MOXD1: variants seen among roughly 807,000 people sequenced by gnomAD.
MOXD1 encodes monooxygenase DBH like 1.
MOXD1 carries 62 observed loss-of-function variants against 66.6 expected under a neutral mutation model. The ratio of observed to expected loss-of-function variants is 0.93; its 90% confidence interval spans 0.76 to 1.15. The LOEUF (loss-of-function observed/expected upper bound fraction) is 1.15. Among genes scored for constraint, MOXD1 ranks in the 50% most tolerant of loss-of-function variants. The pLI, the probability that MOXD1 is intolerant of heterozygous loss-of-function variation, is 0.00. For synonymous variants in MOXD1, 303 were observed against 281.9 expected, an observed-to-expected ratio of 1.07 and a Z score of -0.75; for missense variants, 847 against 754.6, an observed-to-expected ratio of 1.12 and a Z score of -1.44.
At chr6:132,343,523 C>A (rs766210050) in intron 4 of MOXD1, among the ~76,000 whole-genome samples, 1 of 151,558 alleles carries the variant, frequency 6.6e-6, no homozygotes, top group Non-Finnish European at 1.5e-5. Context: ...TGCAGTGAGC[C>A]GAAATTGCAC....
intron 1 of MOXD1, among the ~76,000 whole-genome samples, chr6:132,377,899 G>A (rs1297758003): frequency 1.3e-5 from 2 of 152,110 alleles, no homozygotes; most frequent in Admixed American, 6.6e-5. Context: ...AGGCCAAGGG[G>A]GGTGGATCAC....
At chr6:132,307,535 G>A (rs748231752) in intron 10 of MOXD1, among the ~76,000 whole-genome samples, 65 of 152,292 alleles carry the variant, frequency 4.3e-4, no homozygotes, top group South Asian at 1.9e-3. Flanking sequence ...GACGTCTACC[G>A]AACTGTCTAC....
At chr6:132,387,751 T>TAAA (rs56728324) in intron 1 of MOXD1, among the ~76,000 whole-genome samples, 26 of 69,486 alleles carry the variant, frequency 3.7e-4, no homozygotes, top group Middle Eastern at 0.013. Flanking sequence ...AAACTCCATC[T>TAAA]AAAAAAAAAA....
intron 1 of MOXD1, among the ~76,000 whole-genome samples, chr6:132,390,109 G>T (rs1417034513): frequency 1.3e-5 from 2 of 151,460 alleles, no homozygotes; most frequent in African/African-American, 4.8e-5. Context: ...ATCAAAGCTT[G>T]AAAGACTCTA....
At chr6:132,331,668 G>C (rs77108881) in intron 4 of MOXD1, among the ~76,000 whole-genome samples, 2,162 of 152,206 alleles carry the variant, frequency 0.014, 53 homozygotes, top group African/African-American at 0.049. Context: ...CTATAAGAAA[G>C]ATGTTATAAT....
rs1203522213 is a variant in MOXD1 at position 132,348,386 on chromosome 6, CTGGGTACTCAAATGT to C, written c.664-19807_664-19793del. The stretch of plus-strand genomic sequence containing the variant: ...ATTTCAGTGCACTTCAGTGTTCCCA[CTGGGTACTCAAATGT>C]TGAAGTGACCTGCCAAACTCAAAGA... On this transcript the variant is annotated intron_variant, in intron 4 of 11. Coordinates refer to ENST00000367963, the MANE Select transcript of MOXD1 (RefSeq NM_015529.4). Among the ~76,000 whole-genome samples the C allele has an allele frequency of 3.3e-5, 5 of 152,320 alleles. No individual in the cohort carries two copies. The South Asian group carries it at 8.3e-4, about 25-fold the overall frequency.
rs573041313 is a variant in MOXD1 at position 132,386,881 on chromosome 6, G to A, written c.265-12104C>T. 1.8e-4 allele frequency among the ~76,000 whole-genome samples: 27 copies of A among 151,052 alleles called. 2 individuals carry two copies. The highest frequency in any genetic ancestry group is 3.0e-4 in the Non-Finnish European group (20 of 67,628). Reference sequence around the variant, plus strand: ...TCTACTCTTTCATTATATTTATTGGGTCTTCTCTTCTTTCTTCTGGGGCTT... The same window carrying A: ...TCTACTCTTTCATTATATTTATTGGATCTTCTCTTCTTTCTTCTGGGGCTT... On this transcript the variant is annotated intron_variant, in intron 1 of 11. Transcript: ENST00000367963.
Position 132,297,345 on chromosome 6 carries a change from A to G in MOXD1, c.1678-28T>C, listed in dbSNP as rs1235244137. On this transcript the variant is annotated intron_variant, in intron 11 of 11. Coordinates refer to ENST00000367963, the MANE Select transcript of MOXD1 (RefSeq NM_015529.4). ...GAAAATGGAAGCACAAACAATGCAAATGAACATCTGATTTAAGGCAGCACA... is the reference window on the plus strand; with the variant it reads ...GAAAATGGAAGCACAAACAATGCAAGTGAACATCTGATTTAAGGCAGCACA... 10 of 1,608,240 alleles carry G rather than the reference A, an allele frequency of 6.2e-6. No homozygotes were observed. The Admixed American group carries it at 1.5e-4, about 24-fold the overall frequency.
intron 1 of MOXD1, chr6:132,392,125 G>T: frequency 1.4e-6 from 2 of 1,452,916 alleles, no homozygotes; most frequent in Non-Finnish European, 9.1e-7. Flanking sequence ...CTTTGTCGCC[G>T]TTGGCTGGGG....
At chr6:132,369,540 C>T (rs547729801) in intron 4 of MOXD1, among the ~76,000 whole-genome samples, 6 of 151,964 alleles carry the variant, frequency 3.9e-5, no homozygotes, top group Admixed American at 1.3e-4. Flanking sequence ...TGGCTTCTCC[C>T]GGGCATATCT....
chr6:132,313,229 T>A (rs1381772229), intron 10 of MOXD1, among the ~76,000 whole-genome samples: 1 of 152,220 alleles, frequency 6.6e-6, no homozygotes, highest in East Asian at 1.9e-4. Context: ...AATTTCTTAA[T>A]CTCTTGGTTT....
rs1776664698 is a variant in MOXD1, at chr6:132,387,017, G to GT, written c.265-12241dup. Among the ~76,000 whole-genome samples the GT allele has an allele frequency of 2.6e-5, 4 of 151,102 alleles. 1 individual carries two copies. The highest frequency in any genetic ancestry group is 4.3e-4 in the South Asian group (2 of 4,668). On this transcript the variant is annotated intron_variant, in intron 1 of 11. Coordinates refer to ENST00000367963, the MANE Select transcript of MOXD1 (RefSeq NM_015529.4). ...TTCTCCAGGCAAAATATTGCCAGCT[G>GT]TTTTTTTTTCCTCAGGTACTCAGAT...
chr6:132,364,219 T>A (rs1776071427), intron 4 of MOXD1, among the ~76,000 whole-genome samples: 1 of 152,112 alleles, frequency 6.6e-6, no homozygotes, highest in Non-Finnish European at 1.5e-5. Flanking sequence ...TAGCTTAAAT[T>A]TCATTTGGGT....
At chr6:132,322,388 A>G (rs1171997109) in intron 8 of MOXD1, among the ~76,000 whole-genome samples, 1 of 152,216 alleles carries the variant, frequency 6.6e-6, no homozygotes, top group African/African-American at 2.4e-5. Flanking sequence ...TGTCAAGTAT[A>G]AAAAAAGAGT....
At chr6:132,373,344 A>C (rs184672472) in intron 2 of MOXD1, among the ~76,000 whole-genome samples, 6 of 152,336 alleles carry the variant, frequency 3.9e-5, no homozygotes, top group African/African-American at 1.4e-4. Flanking sequence ...GGTAGCTTCT[A>C]AACAAATATT....
intron 4 of MOXD1, among the ~76,000 whole-genome samples, chr6:132,365,329 G>A (rs953399097): frequency 1.2e-4 from 19 of 152,072 alleles, no homozygotes; most frequent in African/African-American, 4.6e-4. Context: ...CTAAAGAAAG[G>A]GGCCTTTTAA....
intron 1 of MOXD1, among the ~76,000 whole-genome samples, chr6:132,386,131 G>C (rs1198003117): frequency 7.4e-6 from 1 of 135,944 alleles, no homozygotes; most frequent in African/African-American, 2.8e-5. Context: ...GGCCAGGCGC[G>C]GTGGCTCACG....
At chr6:132,323,752 T>G (rs939260840) in intron 7 of MOXD1, among the ~76,000 whole-genome samples, 179 bp downstream of exon 7, 26 of 152,184 alleles carry the variant, frequency 1.7e-4, no homozygotes, top group African/African-American at 5.3e-4. Flanking sequence ...AGAGTTCTAC[T>G]CCTGTAGCTT....
At chr6:132,320,542 G>T in intron 9 of MOXD1, 87 bp downstream of exon 9, 4 of 1,121,792 alleles carry the variant, frequency 3.6e-6, no homozygotes, top group South Asian at 1.6e-5. Flanking sequence ...TTTCTAAATG[G>T]AAATGGTTTT....
Sources: allele counts gnomAD v4.1 joint callset (sites outside exome capture counted in the v4.1 genomes callset), GRCh38; gene constraint gnomAD v4.1.1; transcripts MANE v1.5; gene names NCBI Gene and HGNC (gene_info 2026-07-23, HGNC 2026-07-21).